CRIM1: variants seen among roughly 807,000 people sequenced by gnomAD.
The protein encoded by CRIM1 is cysteine-rich motor neuron 1 protein.
CRIM1 carries 32 observed loss-of-function variants against 116.4 expected under a neutral mutation model. That is an observed-to-expected ratio of 0.27 (90% CI 0.21 to 0.37). The LOEUF is 0.37. Ranked by LOEUF, CRIM1 falls within the 10% of genes least tolerant of loss-of-function variation. The pLI, the probability that CRIM1 is intolerant of heterozygous loss-of-function variation, is 1.00. For synonymous variants in CRIM1, 590 were observed against 509.2 expected, an observed-to-expected ratio of 1.16 and a Z score of -2.13; for missense variants, 1,331 against 1,354.8, an observed-to-expected ratio of 0.98 and a Z score of 0.28.
intron 4 of CRIM1, among the ~76,000 whole-genome samples, chr2:36,462,873 G>C (rs1214487954): frequency 6.6e-6 from 1 of 152,192 alleles, no homozygotes; most frequent in Admixed American, 6.5e-5. Context: ...AGGGATATAA[G>C]CGTGACAAAG....
At chr2:36,537,586 GTTGA>G in intron 14 of CRIM1, 40 bp downstream of exon 14, 1 of 1,541,290 alleles carries the variant, frequency 6.5e-7, no homozygotes, top group Non-Finnish European at 8.8e-7. Context: ...AAGCTGTAAT[GTTGA>G]TTTAAGATGA....
intron 4 of CRIM1, among the ~76,000 whole-genome samples, chr2:36,456,394 C>G (rs533727311): frequency 8.6e-4 from 131 of 152,344 alleles, no homozygotes; most frequent in Middle Eastern, 3.4e-3. Flanking sequence ...AAATTCCACT[C>G]TGAAGTGGGA....
chr2:36,531,503 G>C (rs997719111), intron 13 of CRIM1, among the ~76,000 whole-genome samples: 2 of 151,474 alleles, frequency 1.3e-5, no homozygotes, highest in African/African-American at 4.9e-5. Flanking sequence ...ATACTAAATT[G>C]GATCTTTGTA....
At chr2:36,402,450 A>C (rs1365117122) in intron 2 of CRIM1, among the ~76,000 whole-genome samples, 2 of 99,686 alleles carry the variant, frequency 2.0e-5, no homozygotes, top group South Asian at 3.6e-4. Context: ...AATGGGGGGG[A>C]GGGAGGGGTA....
intron 4 of CRIM1, among the ~76,000 whole-genome samples, chr2:36,455,925 C>T (rs1374845964): frequency 1.3e-5 from 2 of 152,154 alleles, no homozygotes; most frequent in South Asian, 4.2e-4. Flanking sequence ...AGAGACAATA[C>T]GGTCTTTCAC....
intron 12 of CRIM1, among the ~76,000 whole-genome samples, chr2:36,518,386 C>G (rs1665166132): frequency 6.6e-6 from 1 of 152,140 alleles, no homozygotes; most frequent in African/African-American, 2.4e-5. Context: ...CATTTCTGCT[C>G]AGCAAAACAT....
Position 36,522,279 on chromosome 2 carries a change from C to T in CRIM1, c.2394C>T (p.Val798=), listed in dbSNP as rs1312207472. ...CTTCTGTATCCTGTGAAAGACCTGT[C>T]TTGAGAAAAGGCCAGTGTTGTCCCT... is the stretch of plus-strand genomic sequence containing the variant. The part of the protein sequence containing the change: ...SCPSVSCERP[V]LRKGQCCPYC... The change falls in exon 13 of 17, where the codon GTC becomes GTT. Residue 798 remains valine, a synonymous_variant. Coordinates refer to ENST00000280527, the MANE Select transcript of CRIM1 (RefSeq NM_016441.3). 1.2e-6 allele frequency: 2 copies of T among 1,613,960 alleles called. No individual in the cohort carries two copies. Among genetic ancestry groups the T allele is most frequent in the Non-Finnish European group, 8.5e-7 (1 of 1,180,002 alleles).
chr2:36,441,149 C>G, intron 2 of CRIM1, 109 bp from the exon 3 acceptor site: 2 of 1,427,240 alleles, frequency 1.4e-6, no homozygotes, highest in Non-Finnish European at 1.9e-6. Context: ...ATTTCTTTCC[C>G]TACCGTCCTC....
chr2:36,462,704 T>C (rs778360822), intron 4 of CRIM1, among the ~76,000 whole-genome samples: 3 of 152,208 alleles, frequency 2.0e-5, no homozygotes, highest in Admixed American at 1.3e-4. Context: ...CATCTACACA[T>C]TGGGGCCAGG....
chr2:36,474,565 T>G (rs1020830843), intron 5 of CRIM1, among the ~76,000 whole-genome samples: 4 of 152,144 alleles, frequency 2.6e-5, no homozygotes, highest in Non-Finnish European at 5.9e-5. Context: ...CAAAAGACTT[T>G]CAACCTCAGG....
At chr2:36,479,204 C>CT (rs1679215393) in intron 6 of CRIM1, among the ~76,000 whole-genome samples, 1 of 152,232 alleles carries the variant, frequency 6.6e-6, no homozygotes, top group Non-Finnish European at 1.5e-5. Flanking sequence ...ACCCACAGCT[C>CT]TTGCCACAAA....
At chr2:36,374,636 CT>C (rs1223224245) in intron 1 of CRIM1, among the ~76,000 whole-genome samples, 2 of 152,124 alleles carry the variant, frequency 1.3e-5, no homozygotes, top group Admixed American at 6.5e-5. Flanking sequence ...TCCTCATTTC[CT>C]TTCCCCCTTT....
rs184898094 is a variant in CRIM1, at chr2:36,396,919, A to G, written c.505+132A>G. 6 of 727,450 alleles carry G rather than the reference A, an allele frequency of 8.2e-6. No individual in the cohort carries two copies. In the East Asian group the frequency reaches 1.6e-4, roughly 19 times the overall value. 45.1% of individuals were successfully genotyped at this position (727,450 alleles called of 1,614,324 possible). ...GTGGTAGTTTGTATAATCCCAACTA[A>G]GATGCATAAAGTTTACCAGGTGCTT... On this transcript the variant is annotated intron_variant, in intron 2 of 16. Coordinates refer to ENST00000280527, the MANE Select transcript of CRIM1 (RefSeq NM_016441.3).
chr2:36,512,206 C>G, intron 9 of CRIM1, 67 bp from the exon 10 acceptor site: 2 of 1,571,414 alleles, frequency 1.3e-6, no homozygotes, highest in Non-Finnish European at 1.7e-6. Flanking sequence ...GACCCTTGGT[C>G]TGAGTGCTTG....
chr2:36,367,998 A>T (rs1484899627), intron 1 of CRIM1, among the ~76,000 whole-genome samples: 2 of 152,240 alleles, frequency 1.3e-5, no homozygotes, highest in African/African-American at 2.4e-5. Context: ...AAACTTGCCC[A>T]AATTCACATG....
At chr2:36,545,182 T>A (rs1667230362) in intron 15 of CRIM1, among the ~76,000 whole-genome samples, 1 of 152,208 alleles carries the variant, frequency 6.6e-6, no homozygotes. Context: ...CATTGCTATA[T>A]AACTTATATT....
chr2:36,498,907 A>G (rs1373312980), intron 7 of CRIM1, among the ~76,000 whole-genome samples: 1 of 152,232 alleles, frequency 6.6e-6, no homozygotes, highest in African/African-American at 2.4e-5. Flanking sequence ...AACAATTTAA[A>G]CAGAGTTCAT....
intron 5 of CRIM1, among the ~76,000 whole-genome samples, chr2:36,468,256 T>C (rs768761169): frequency 6.6e-6 from 1 of 152,188 alleles, no homozygotes; most frequent in African/African-American, 2.4e-5. Flanking sequence ...CTTTTTAAAA[T>C]CAACTTTAAA....
At chr2:36,421,468 T>C (rs1462713036) in intron 2 of CRIM1, among the ~76,000 whole-genome samples, 1 of 152,232 alleles carries the variant, frequency 6.6e-6, no homozygotes, top group African/African-American at 2.4e-5. Context: ...TGACTAGATA[T>C]GAGCCCAGTT....
Sources: allele counts gnomAD v4.1 joint callset (sites outside exome capture counted in the v4.1 genomes callset), GRCh38; gene constraint gnomAD v4.1.1; transcripts MANE v1.5; gene names NCBI Gene and HGNC (gene_info 2026-07-23, HGNC 2026-07-21).